The following CCDC7 variants were observed in gnomAD, a reference collection of about 807,000 sequenced individuals.
CCDC7 encodes the protein coiled-coil domain containing 7.
Under a neutral mutation model 196.9 loss-of-function variants are expected in CCDC7, and 183 were observed. That is an observed-to-expected ratio of 0.93 (90% CI 0.82 to 1.05). The LOEUF is 1.05. Ranked by LOEUF, CCDC7 falls within the 50% of genes least tolerant of loss-of-function variation. CCDC7 has a pLI of 0.00. For synonymous variants in CCDC7, 525 were observed against 484.6 expected (o/e 1.08, Z -1.10); for missense variants, 1,540 against 1,482.2 (o/e 1.04, Z -0.64).
At chr10:32,815,123 C>T (rs183620111) in intron 31 of CCDC7, among the ~76,000 whole-genome samples, 24 of 152,118 alleles carry the variant, frequency 1.6e-4, no homozygotes, top group African/African-American at 5.5e-4. Flanking sequence ...AAGGAAGAGT[C>T]AATCAACATA....
intron 13 of CCDC7, among the ~76,000 whole-genome samples, chr10:32,559,044 C>T (rs1239025145): frequency 6.6e-6 from 1 of 152,256 alleles, no homozygotes; most frequent in Non-Finnish European, 1.5e-5. Context: ...GGGTCGTACG[C>T]CCACGGAGTC....
At chr10:32,744,790 T>G (rs2074433466) in intron 28 of CCDC7, among the ~76,000 whole-genome samples, 1 of 152,354 alleles carries the variant, frequency 6.6e-6, no homozygotes, top group South Asian at 2.1e-4. Flanking sequence ...TTTCACAGTG[T>G]CTTTTACAGA....
chr10:32,707,264 T>C (rs888389868), intron 24 of CCDC7, among the ~76,000 whole-genome samples: 13 of 152,192 alleles, frequency 8.5e-5, no homozygotes, highest in Non-Finnish European at 1.8e-4. Flanking sequence ...TTGAGAAAAT[T>C]CAACAGTTGT....
At chr10:32,623,777 A>C (rs533196304) in intron 18 of CCDC7, 1 of 470,308 alleles carries the variant, frequency 2.1e-6, no homozygotes. Context: ...GGGAGCTTCT[A>C]CTCGTGCAGG....
intron 9 of CCDC7, among the ~76,000 whole-genome samples, chr10:32,507,319 C>T (rs1198953090): frequency 6.6e-6 from 1 of 151,750 alleles, no homozygotes; most frequent in African/African-American, 2.4e-5. Context: ...TTGTGAGTCT[C>T]TTGTGGGCAG....
chr10:32,462,723 G>C lies in CCDC7; in HGVS notation c.477+20G>C. On this transcript the variant is annotated intron_variant, in intron 4 of 41. Coordinates refer to ENST00000639629, the Ensembl canonical transcript of CCDC7. ...TTTAAGGTACGTTCAATATATTACAGCTTAAGCCTACTAAAACTTAACACA... is the reference window on the plus strand; with the variant it reads ...TTTAAGGTACGTTCAATATATTACACCTTAAGCCTACTAAAACTTAACACA... The C allele has an allele frequency of 6.9e-7, 1 of 1,457,964 alleles. No homozygotes were observed. 90.3% of individuals were successfully genotyped at this position (1,457,964 alleles called of 1,614,324 possible).
At chr10:32,779,630 G>T (rs938624791) in intron 29 of CCDC7, among the ~76,000 whole-genome samples, 1 of 152,202 alleles carries the variant, frequency 6.6e-6, no homozygotes, top group Non-Finnish European at 1.5e-5. Flanking sequence ...AAAGTGTTCT[G>T]TGGTAGCTTT....
At chr10:32,680,965 A>G (rs1371150325) in intron 21 of CCDC7, among the ~76,000 whole-genome samples, 1 of 152,192 alleles carries the variant, frequency 6.6e-6, no homozygotes, top group Non-Finnish European at 1.5e-5. Context: ...TTTTAGTCAT[A>G]GGAACTATTA....
chr10:32,667,448 C>T (rs890567192), intron 21 of CCDC7, among the ~76,000 whole-genome samples: 1 of 152,092 alleles, frequency 6.6e-6, no homozygotes, highest in Non-Finnish European at 1.5e-5. Context: ...TTTACCCATG[C>T]CTATGTCCTG....
chr10:32,513,514 C>T (rs2046549011), intron 9 of CCDC7: 1 of 151,770 alleles, frequency 6.6e-6, no homozygotes, highest in South Asian at 2.1e-4. Context: ...ACTCTGATAC[C>T]AAAATTAGAC....
intron 16 of CCDC7, among the ~76,000 whole-genome samples, chr10:32,575,817 A>C (rs896315579): frequency 6.6e-6 from 1 of 152,062 alleles, no homozygotes; most frequent in Non-Finnish European, 1.5e-5. Context: ...ATTATTATAG[A>C]TCTCTCCATC....
intron 9 of CCDC7, among the ~76,000 whole-genome samples, chr10:32,495,929 G>C (rs2042849486): frequency 6.6e-6 from 1 of 152,140 alleles, no homozygotes; most frequent in Non-Finnish European, 1.5e-5. Context: ...ATTCTGTGAA[G>C]AAAGTCAATA....
At chr10:32,666,261 T>C (rs775707629) in intron 21 of CCDC7, among the ~76,000 whole-genome samples, 6 of 151,828 alleles carry the variant, frequency 4.0e-5, no homozygotes, top group Non-Finnish European at 7.4e-5. Context: ...ATTACAAAGA[T>C]AATAATATAA....
intron 15 of CCDC7, 25 bp from the exon 17 acceptor site, chr10:32,571,834 A>C: frequency 6.6e-7 from 1 of 1,525,310 alleles, no homozygotes; most frequent in Non-Finnish European, 8.8e-7. Context: ...TGATATTTTT[A>C]AATGTAGTAT....
chr10:32,506,018 C>G (rs565376281), intron 9 of CCDC7, among the ~76,000 whole-genome samples: 36 of 149,072 alleles, frequency 2.4e-4, no homozygotes, highest in Non-Finnish European at 5.2e-4. Flanking sequence ...GCGCTCCTCA[C>G]TTCCCATTTG....
At chr10:32,650,027 T>C (rs990365872) in intron 20 of CCDC7, among the ~76,000 whole-genome samples, 1 of 152,228 alleles carries the variant, frequency 6.6e-6, no homozygotes, top group Non-Finnish European at 1.5e-5. Flanking sequence ...CAATCCAGAC[T>C]GGTTATGAAC....
intron 22 of CCDC7, among the ~76,000 whole-genome samples, chr10:32,687,263 G>A (rs1331870638): frequency 6.6e-6 from 1 of 152,182 alleles, no homozygotes; most frequent in Non-Finnish European, 1.5e-5. Context: ...TGAGCAATAA[G>A]GGCAGTGATT....
intron 29 of CCDC7, among the ~76,000 whole-genome samples, chr10:32,798,604 T>C (rs1210554451): frequency 1.3e-5 from 2 of 152,246 alleles, no homozygotes; most frequent in Non-Finnish European, 2.9e-5. Context: ...AATGTCTTTG[T>C]CACCAATTTT....
At chr10:32,724,076 G>T (rs2082773975) in intron 25 of CCDC7, among the ~76,000 whole-genome samples, 2 of 151,950 alleles carry the variant, frequency 1.3e-5, no homozygotes. Flanking sequence ...AAGCTAAAAG[G>T]AAGGATTATT....
Sources: gnomAD v4.1 joint callset for allele counts (sites outside exome capture counted in the v4.1 genomes callset) on GRCh38, gnomAD v4.1.1 for gene constraint, MANE v1.5 for transcripts, NCBI Gene and HGNC (gene_info 2026-07-23, HGNC 2026-07-21) for gene names.